CCNJ: variants seen among roughly 807,000 people sequenced by gnomAD.
The protein encoded by CCNJ is cyclin-J.
Under a neutral mutation model 41.4 loss-of-function variants are expected in CCNJ, and 12 were observed. The observed-to-expected ratio is 0.29, with a 90% CI of 0.19 to 0.47. CCNJ has a LOEUF of 0.47. Among genes scored for constraint, CCNJ ranks in the 20% least tolerant of loss-of-function variants. The probability of loss-of-function intolerance (pLI) is 1.00; values close to 1 mark genes in which losing one functional copy is unlikely to be tolerated. For synonymous variants in CCNJ, 161 were observed against 173.4 expected (o/e 0.93, Z 0.56); for missense variants, 340 against 464.6 (o/e 0.73, Z 2.47).
At position 96,059,478 on chromosome 10, in the gene CCNJ, T is replaced by C. The variant is rs1411356410; in HGVS notation, c.*1237T>C. On this transcript the variant is annotated 3_prime_UTR_variant, in exon 6 of 6. Coordinates refer to ENST00000465148, the MANE Select transcript of CCNJ (RefSeq NM_001134375.2). Reference sequence around the variant, plus strand: ...CAGTATTAACTGCAAACAGCAATAATTGTCATTACAGCAAGGGCAGTTTGG... The same window carrying C: ...CAGTATTAACTGCAAACAGCAATAACTGTCATTACAGCAAGGGCAGTTTGG... 6.6e-6 allele frequency: 1 copy of C among 152,464 alleles called. No individual in the cohort carries two copies. Among genetic ancestry groups the C allele is most frequent in the Non-Finnish European group, 1.5e-5 (1 of 68,032 alleles). 9.4% of individuals were successfully genotyped at this position (152,464 alleles called of 1,614,324 possible). A position where few individuals can be genotyped will look rare whatever the true frequency, so the allele number is the denominator to read the frequency against.
chr10:96,057,238 G>A lies in CCNJ; in HGVS notation c.731G>A (p.Arg244Gln), dbSNP rs1202745150. ...SWDFLVQCIE[R>Q]LLIAHDNDVK... The stretch of plus-strand genomic sequence containing the variant: ...GATTTCTTAGTGCAGTGTATTGAAC[G>A]ACTGTTGATGTAAGCCTTTTTATTC... Residue 244 changes from arginine (R) to glutamine (Q), a missense_variant, in exon 5 of 6, where the codon CGA (arginine) becomes CAA (glutamine). Around this residue, in one of 3 missense-constraint regions of CCNJ, gnomAD observed 137 missense variants for 252.9 expected, o/e 0.54. Transcript: ENST00000465148. 6 of 1,613,214 alleles carry A rather than the reference G, an allele frequency of 3.7e-6. No individual in the cohort carries two copies. The highest frequency in any genetic ancestry group is 4.5e-5 in the East Asian group (2 of 44,894).
intron 3 of CCNJ, among the ~76,000 whole-genome samples, chr10:96,055,087 T>TA (rs996017508): frequency 4.9e-4 from 75 of 152,352 alleles, no homozygotes; most frequent in African/African-American, 1.7e-3. Context: ...CAGACCACTT[T>TA]AGTGCTTTCA....
chr10:96,056,709 G>T lies in CCNJ; in HGVS notation c.289G>T (p.Glu97Ter). 1 of 1,585,582 alleles carries T rather than the reference G, an allele frequency of 6.3e-7. No individual in the cohort carries two copies. The highest frequency in any genetic ancestry group is 8.6e-7 in the Non-Finnish European group (1 of 1,168,520). ...TCCCCTTTTCTTATAAGGTAAATTT[G>T]AAGAAAAAGAAGACAGTGTGCCTAA... ...LSCLLLASKFEEKEDSVPKLE... is the reference protein window; with the variant it reads ...LSCLLLASKF Residue 97 changes from glutamate to a stop codon, truncating the protein, a stop_gained, in exon 4 of 6, where the codon GAA (glutamate) becomes TAA (stop). Coordinates refer to ENST00000465148, the MANE Select transcript of CCNJ (RefSeq NM_001134375.2). LOFTEE classifies it high-confidence loss of function.
Position 96,058,793 on chromosome 10 carries a change from T to A in CCNJ, c.*552T>A, listed in dbSNP as rs904196825. ...CAATCTGCAGTAAAAAAAATTTTTT[T>A]AGATGATTCTATATAACTTCGTCTC... On this transcript the variant is annotated 3_prime_UTR_variant, in exon 6 of 6. Coordinates refer to ENST00000465148, the MANE Select transcript of CCNJ (RefSeq NM_001134375.2). 1 of 289,692 alleles carries A rather than the reference T, an allele frequency of 3.5e-6. No homozygotes were observed. The highest frequency in any genetic ancestry group is 2.2e-5 in the African/African-American group (1 of 46,336). 17.9% of individuals were successfully genotyped at this position (289,692 alleles called of 1,614,324 possible). A position where few individuals can be genotyped will look rare whatever the true frequency, so the allele number is the denominator to read the frequency against.
chr10:96,044,282 A>AC (rs147692285), intron 1 of CCNJ, 71 bp from the exon 2 acceptor site: 6 of 806,770 alleles, frequency 7.4e-6, no homozygotes, highest in East Asian at 3.2e-5. Context: ...CTGAGGTCAC[A>AC]CCCCCCGGGG....
rs1162196826 is a variant in CCNJ, at chr10:96,058,341, A to G, written c.*100A>G. 1.1e-6 allele frequency: 1 copy of G among 951,454 alleles called. No homozygotes were observed. Among genetic ancestry groups the G allele is most frequent in the Non-Finnish European group, 1.6e-6 (1 of 627,724 alleles). The allele number at this position is 951,454 out of a possible 1,614,324, so 58.9% of individuals were successfully genotyped here. On this transcript the variant is annotated 3_prime_UTR_variant, in exon 6 of 6. Coordinates refer to ENST00000465148, the MANE Select transcript of CCNJ (RefSeq NM_001134375.2). ...GTTCAAAAGGAAAGGGATCTAAATG[A>G]CATCAGAACTCTTCAGGTACCAGCA...
rs1343152958 is a variant in CCNJ, at chr10:96,060,221, A to G, written c.*1980A>G. On this transcript the variant is annotated 3_prime_UTR_variant, in exon 6 of 6. Coordinates refer to ENST00000465148, the MANE Select transcript of CCNJ (RefSeq NM_001134375.2). ...AATTTTCAGTATTTTAACTACCTCA[A>G]TAATGCTATGAATGTAAGATATTGG... 1 of 152,640 alleles carries G rather than the reference A, an allele frequency of 6.6e-6. No homozygotes were observed. The highest frequency in any genetic ancestry group is 2.4e-5 in the African/African-American group (1 of 41,452). The allele number at this position is 152,640 out of a possible 1,614,324, so 9.5% of individuals were successfully genotyped here.
At chr10:96,057,794 G>C in intron 5 of CCNJ, 36 bp from the exon 6 acceptor site, 1 of 1,581,388 alleles carries the variant, frequency 6.3e-7, no homozygotes, top group Non-Finnish European at 8.6e-7. Flanking sequence ...TTCTCAAGCA[G>C]TATTTTTAAT....
chr10:96,043,254 T>C (rs865889072), upstream of CCNJ: 2 of 216,102 alleles, frequency 9.3e-6, no homozygotes, highest in African/African-American at 4.6e-5. Context: ...CCTAACTGGA[T>C]TGGTCACTGC....
rs1414856245 is a variant in CCNJ, at chr10:96,056,052, G to A, written c.281-649G>A. ...TGGCCGGGCGCAGTGGCTCACGCCT[G>A]TAATCCCAACACTTTGGGAGGCCGA... On this transcript the variant is annotated intron_variant, in intron 3 of 5. Transcript: ENST00000465148. 3.3e-5 allele frequency among the ~76,000 whole-genome samples: 5 copies of A among 152,232 alleles called. No homozygotes were observed. The East Asian group carries it at 9.6e-4, about 29-fold the overall frequency.
chr10:96,047,184 G>A (rs1195744844), intron 2 of CCNJ, among the ~76,000 whole-genome samples: 1 of 152,174 alleles, frequency 6.6e-6, no homozygotes, highest in Non-Finnish European at 1.5e-5. Flanking sequence ...GCCTGGGTTA[G>A]TATAGTGTCT....
chr10:96,044,208 A>C, intron 1 of CCNJ, 145 bp from the exon 2 acceptor site: 1 of 415,706 alleles, frequency 2.4e-6, no homozygotes, highest in East Asian at 3.6e-5. Context: ...CGTTGGGGGA[A>C]ACGACTCGGG....
chr10:96,052,689 T>G (rs2142051999), intron 3 of CCNJ, among the ~76,000 whole-genome samples: 1 of 152,312 alleles, frequency 6.6e-6, no homozygotes, highest in African/African-American at 2.4e-5. Flanking sequence ...GACATTAGGA[T>G]CTGTATTTGC....
At chr10:96,048,849 T>G (rs1469766538) in intron 2 of CCNJ, among the ~76,000 whole-genome samples, 1 of 152,206 alleles carries the variant, frequency 6.6e-6, no homozygotes, top group African/African-American at 2.4e-5. Flanking sequence ...GTTTCCACCT[T>G]TTGGTTATTG....
chr10:96,055,119 C>G (rs1404506183), intron 3 of CCNJ, among the ~76,000 whole-genome samples: 1 of 152,144 alleles, frequency 6.6e-6, no homozygotes, highest in Non-Finnish European at 1.5e-5. Context: ...TTGCTATTGG[C>G]AAAACTTGTT....
chr10:96,050,399 T>G lies in CCNJ; in HGVS notation c.213T>G (p.Phe71Leu). 1 of 1,614,156 alleles carries G rather than the reference T, an allele frequency of 6.2e-7. No individual in the cohort carries two copies. Among genetic ancestry groups the G allele is most frequent in the Non-Finnish European group, 8.5e-7 (1 of 1,180,000 alleles). Residue 71 changes from phenylalanine (F) to leucine (L), a missense_variant, in exon 3 of 6, where the codon TTT becomes TTG. Phe to Leu is a conservative substitution (Grantham distance 22). Transcript: ENST00000465148. ...TTGCTGTCTATTTACTGGACCTGTT[T>G]ATGGACCGCTATGACATCTCTATCC... ...RHLAVYLLDL[F>L]MDRYDISIQQ...
chr10:96,046,231 C>A (rs1280910768), intron 2 of CCNJ, among the ~76,000 whole-genome samples: 3 of 152,280 alleles, frequency 2.0e-5, no homozygotes, highest in East Asian at 3.9e-4. Flanking sequence ...AGGAATGCCA[C>A]TGAAAGTTTT....
At chr10:96,056,008 T>A (rs1370056957) in intron 3 of CCNJ, among the ~76,000 whole-genome samples, 2 of 152,210 alleles carry the variant, frequency 1.3e-5, no homozygotes, top group Non-Finnish European at 2.9e-5. Flanking sequence ...ATTAAATTGT[T>A]AAAACTATCT....
At chr10:96,049,349 C>T (rs181183457) in intron 2 of CCNJ, among the ~76,000 whole-genome samples, 180 of 151,960 alleles carry the variant, frequency 1.2e-3, no homozygotes, top group African/African-American at 4.1e-3. Flanking sequence ...AGCTATTTAC[C>T]CCTTATCAGA....
Sources: gnomAD v4.1 joint callset for allele counts (sites outside exome capture counted in the v4.1 genomes callset) on GRCh38, gnomAD v4.1.1 for gene constraint, gnomAD v4.1.1 regional missense constraint, MANE v1.5 for transcripts, NCBI Gene and HGNC (gene_info 2026-07-23, HGNC 2026-07-21) for gene names.